TRIO: variants seen among roughly 807,000 people sequenced by gnomAD.
The protein encoded by TRIO is triple functional domain protein.
In TRIO, 58 loss-of-function variants were observed where a neutral mutation model predicts 351.9. The ratio of observed to expected loss-of-function variants is 0.16; its 90% CI spans 0.13 to 0.21. The LOEUF (loss-of-function observed/expected upper bound fraction) is 0.21, where lower values mean the gene tolerates loss of function less well. Ranked by LOEUF, TRIO falls within the 10% of genes least tolerant of loss-of-function variation. The pLI is 1.00. For synonymous variants in TRIO, 1,758 were observed against 1,595.7 expected, an observed-to-expected ratio of 1.10 and a Z score of -2.42; for missense variants, 3,201 against 4,027.8, an observed-to-expected ratio of 0.79 and a Z score of 5.56.
intron 11 of TRIO, among the ~76,000 whole-genome samples, chr5:14,343,004 C>T (rs913918137): frequency 6.6e-6 from 1 of 151,646 alleles, no homozygotes; most frequent in Non-Finnish European, 1.5e-5. Flanking sequence ...GTTTGTACCT[C>T]CAAAGATGTC....
chr5:14,403,316 G>A (rs1252954596), intron 31 of TRIO, among the ~76,000 whole-genome samples: 4 of 100,990 alleles, frequency 4.0e-5, no homozygotes, highest in African/African-American at 6.2e-5. Flanking sequence ...GTAGGTTGTG[G>A]TGGTGAGGGT....
chr5:14,392,327 GA>G (rs1747158815), intron 27 of TRIO, among the ~76,000 whole-genome samples: 1 of 151,938 alleles, frequency 6.6e-6, no homozygotes, highest in African/African-American at 2.4e-5. Flanking sequence ...ACAAACATAT[GA>G]AAAACTCATC....
intron 33 of TRIO, among the ~76,000 whole-genome samples, chr5:14,414,128 G>A (rs116073996): frequency 0.014 from 2,060 of 152,294 alleles, 41 homozygotes; most frequent in African/African-American, 0.047. Flanking sequence ...AGTGCACTAC[G>A]TGAGGCAGGT....
chr5:14,392,983 C>A (rs1747233776), intron 27 of TRIO, among the ~76,000 whole-genome samples: 1 of 151,260 alleles, frequency 6.6e-6, no homozygotes, highest in African/African-American at 2.4e-5. Context: ...GGAGGCGGAG[C>A]TTGCAGTGAA....
intron 56 of TRIO, among the ~76,000 whole-genome samples, chr5:14,507,572 T>G (rs1757797060): frequency 6.6e-6 from 1 of 151,980 alleles, no homozygotes; most frequent in Admixed American, 6.6e-5. Flanking sequence ...AAAGAGAGCA[T>G]TCCCCTTGGT....
At chr5:14,191,534 T>TAAAA (rs35519870) in intron 1 of TRIO, among the ~76,000 whole-genome samples, 2 of 135,230 alleles carry the variant, frequency 1.5e-5, no homozygotes, top group African/African-American at 5.5e-5. Flanking sequence ...CCTGTTTCTT[T>TAAAA]AAAAAAAAAA....
intron 1 of TRIO, among the ~76,000 whole-genome samples, chr5:14,157,039 A>G (rs183487736): frequency 9.4e-4 from 143 of 152,340 alleles, no homozygotes; most frequent in African/African-American, 3.3e-3. Context: ...GAAGAAATAA[A>G]AAGGAAAGTG....
At chr5:14,473,050 G>A (rs1381989379) in intron 39 of TRIO, among the ~76,000 whole-genome samples, 1 of 152,134 alleles carries the variant, frequency 6.6e-6, no homozygotes, top group Non-Finnish European at 1.5e-5. Context: ...CCCAGCTGTG[G>A]GTTCGGTTCC....
chr5:14,338,511 G>T (rs1349958230), intron 11 of TRIO, among the ~76,000 whole-genome samples: 1 of 152,224 alleles, frequency 6.6e-6, no homozygotes, highest in African/African-American at 2.4e-5. Context: ...GTGTGATTGT[G>T]TGTTACTTTA....
At chr5:14,455,320 T>C (rs1251985346) in intron 34 of TRIO, among the ~76,000 whole-genome samples, 1 of 152,334 alleles carries the variant, frequency 6.6e-6, no homozygotes, top group East Asian at 1.9e-4. Context: ...TGCTGATTGG[T>C]GCGTTTACAA....
chr5:14,254,484 C>A (rs968328644), intron 1 of TRIO, among the ~76,000 whole-genome samples: 2 of 152,188 alleles, frequency 1.3e-5, no homozygotes, highest in African/African-American at 2.4e-5. Flanking sequence ...GGACCATGAT[C>A]GCCTTGTCTG....
chr5:14,430,552 T>C (rs115976564), intron 34 of TRIO, among the ~76,000 whole-genome samples: 134 of 152,288 alleles, frequency 8.8e-4, no homozygotes, highest in African/African-American at 3.1e-3. Flanking sequence ...ATCCAAGCTA[T>C]GCAGTTGCAA....
At chr5:14,479,426 T>C in intron 42 of TRIO, 76 bp downstream of exon 42, 4 of 1,361,532 alleles carry the variant, frequency 2.9e-6, no homozygotes, top group Non-Finnish European at 4.1e-6. Flanking sequence ...AAAGTATCAT[T>C]GGTTTCCCAG....
intron 41 of TRIO, among the ~76,000 whole-genome samples, chr5:14,477,877 C>CT (rs761286904): frequency 6.6e-5 from 10 of 152,170 alleles, no homozygotes; most frequent in Non-Finnish European, 1.2e-4. Context: ...TCTTTGAAGT[C>CT]TTTAAGTGTT....
intron 1 of TRIO, among the ~76,000 whole-genome samples, chr5:14,180,847 CAAA>C (rs34473680): frequency 7.2e-6 from 1 of 139,128 alleles, no homozygotes; most frequent in Non-Finnish European, 1.5e-5. Flanking sequence ...AGTGCCCCCA[CAAA>C]AAAAAAAAAG....
In TRIO at chr5:14,275,940, CTATA is replaced by C. The variant is rs886843180; in HGVS notation, c.233-4375_233-4372del. On this transcript the variant is annotated intron_variant, in intron 2 of 56. Coordinates refer to ENST00000344204, the MANE Select transcript of TRIO (RefSeq NM_007118.4). ...TATGTATGTTTATATATATGTGTGT[CTATA>C]TATATACATATATATACATATATAT... is the stretch of plus-strand genomic sequence containing the variant. Among the ~76,000 whole-genome samples, 8 of 144,062 alleles carry C rather than the reference CTATA, an allele frequency of 5.6e-5. No homozygotes were observed. The East Asian group carries it at 8.1e-4, about 15-fold the overall frequency. 94.5% of individuals were successfully genotyped at this position (144,062 alleles called of 152,430 possible).
chr5:14,428,907 C>A (rs1271740851), intron 34 of TRIO, among the ~76,000 whole-genome samples: 2 of 152,194 alleles, frequency 1.3e-5, no homozygotes, highest in African/African-American at 2.4e-5. Context: ...CAGGGCCACA[C>A]AGGTACCAGG....
At chr5:14,408,703 G>C (rs1400904837) in intron 33 of TRIO, among the ~76,000 whole-genome samples, 1 of 152,032 alleles carries the variant, frequency 6.6e-6, no homozygotes, top group Non-Finnish European at 1.5e-5. Context: ...CACCTGAAAG[G>C]AAAGTTGAAT....
intron 31 of TRIO, among the ~76,000 whole-genome samples, chr5:14,405,061 A>G (rs1475640791): frequency 6.7e-6 from 1 of 148,238 alleles, no homozygotes; most frequent in Admixed American, 6.6e-5. Context: ...TGCAGAAAGA[A>G]AAAAAAAACC....
Sources: gnomAD v4.1 joint callset for allele counts (sites outside exome capture counted in the v4.1 genomes callset) on GRCh38, gnomAD v4.1.1 for gene constraint, MANE v1.5 for transcripts, NCBI Gene and HGNC (gene_info 2026-07-23, HGNC 2026-07-21) for gene names.